The following DNAH14 variants were observed in gnomAD, a reference collection of about 807,000 sequenced individuals.
DNAH14 encodes dynein axonemal heavy chain 14, also known as axonemal beta dynein heavy chain 14.
DNAH14 carries 478 observed loss-of-function variants against 520.9 expected under a neutral mutation model. That is an observed-to-expected ratio of 0.92 (90% CI 0.85 to 0.99). The LOEUF (loss-of-function observed/expected upper bound fraction) is 0.99. Ranked by LOEUF, DNAH14 falls within the 50% of genes least tolerant of loss-of-function variation. The pLI, the probability that DNAH14 is intolerant of heterozygous loss-of-function variation, is 0.00. For missense variants in DNAH14, 4,831 were observed against 5,234.5 expected (o/e 0.92, Z 2.38); for synonymous variants, 1,581 against 1,757.2 (o/e 0.90, Z 2.51).
chr1:225,043,147 T>C, intron 13 of DNAH14, 33 bp downstream of exon 13: 1 of 1,521,878 alleles, frequency 6.6e-7, no homozygotes. Flanking sequence ...GAATGAGGGG[T>C]TGCCAGGTGT....
chr1:225,225,898 A>G (rs1052239603), intron 41 of DNAH14, among the ~76,000 whole-genome samples: 3 of 152,134 alleles, frequency 2.0e-5, no homozygotes, highest in Non-Finnish European at 2.9e-5. Flanking sequence ...AAATGTCCCT[A>G]CAGGACCCGC....
intron 71 of DNAH14, 83 bp downstream of exon 71, chr1:225,346,737 C>T: frequency 9.6e-7 from 1 of 1,045,846 alleles, no homozygotes; most frequent in South Asian, 1.9e-5. Context: ...AAGTCAATGC[C>T]TCTATAATTG....
Position 225,016,662 on chromosome 1 carries a change from A to G in DNAH14, c.1108-6953A>G, listed in dbSNP as rs549110851. On this transcript the variant is annotated intron_variant, in intron 10 of 85. Coordinates refer to ENST00000682510, the MANE Select transcript of DNAH14 (RefSeq NM_001367479.1). The stretch of plus-strand genomic sequence containing the variant: ...CTTGTTTTTCTCTTCTCTTTCTGCA[A>G]CAACCATAATCTGAATATTTGTCAC... Among the ~76,000 whole-genome samples the G allele has an allele frequency of 1.8e-4, 28 of 152,260 alleles. No individual in the cohort carries two copies. In the East Asian group the frequency reaches 4.0e-3, roughly 22 times the overall value.
At chr1:225,024,064 G>A in intron 11 of DNAH14, 199 bp downstream of exon 11, 2 of 1,195,812 alleles carry the variant, frequency 1.7e-6, no homozygotes, top group Non-Finnish European at 2.1e-6. Context: ...AGGATGCGCA[G>A]TAAAATTTGA....
chr1:224,968,972 A>G (rs922157797), intron 7 of DNAH14, 98 bp downstream of exon 7: 67 of 750,670 alleles, frequency 8.9e-5, no homozygotes, highest in Non-Finnish European at 1.3e-4. Context: ...TAATACCAGT[A>G]GAAAATAGTA....
At chr1:225,134,252 C>T (rs559139552) in intron 27 of DNAH14, among the ~76,000 whole-genome samples, 11 of 152,214 alleles carry the variant, frequency 7.2e-5, no homozygotes, top group South Asian at 2.1e-4. Context: ...GCTGGAACTT[C>T]GAATACTATG....
chr1:225,050,776 A>G (rs1005278895), intron 16 of DNAH14, among the ~76,000 whole-genome samples: 2 of 152,174 alleles, frequency 1.3e-5, no homozygotes, highest in Non-Finnish European at 2.9e-5. Context: ...GTCACATACT[A>G]TATACCAGTG....
chr1:225,071,458 T>C (rs1168039652), intron 17 of DNAH14, among the ~76,000 whole-genome samples: 1 of 152,200 alleles, frequency 6.6e-6, no homozygotes, highest in Non-Finnish European at 1.5e-5. Context: ...TGGCCAGATA[T>C]GAAATTCTGG....
At chr1:225,017,728 A>G (rs1390534710) in intron 10 of DNAH14, among the ~76,000 whole-genome samples, 2 of 152,230 alleles carry the variant, frequency 1.3e-5, no homozygotes, top group Non-Finnish European at 2.9e-5. Flanking sequence ...GGGCTTGCCC[A>G]TGAGTGATCA....
chr1:224,982,454 G>GCTC (rs1558591136), intron 8 of DNAH14, among the ~76,000 whole-genome samples: 1 of 152,192 alleles, frequency 6.6e-6, no homozygotes, highest in African/African-American at 2.4e-5. Flanking sequence ...AACAACTGAT[G>GCTC]CTCCGTGTGA....
At chr1:225,084,986 G>A (rs967602697) in intron 20 of DNAH14, among the ~76,000 whole-genome samples, 1 of 152,124 alleles carries the variant, frequency 6.6e-6, no homozygotes, top group South Asian at 2.1e-4. Context: ...GCCATAAGAA[G>A]TAACTGATCC....
At chr1:224,962,546 C>G (rs1035013474) in intron 4 of DNAH14, among the ~76,000 whole-genome samples, 1 of 152,106 alleles carries the variant, frequency 6.6e-6, no homozygotes. Context: ...GAAACGAATT[C>G]CACCTCAAAC....
intron 51 of DNAH14, 64 bp downstream of exon 51, chr1:225,272,137 C>G: frequency 7.1e-7 from 1 of 1,411,630 alleles, no homozygotes; most frequent in South Asian, 1.4e-5. Flanking sequence ...CTCATACTGT[C>G]AACATTAGAT....
chr1:225,269,612 A>T (rs751449570), intron 49 of DNAH14, among the ~76,000 whole-genome samples: 42 of 152,314 alleles, frequency 2.8e-4, no homozygotes, highest in Non-Finnish European at 4.1e-4. Flanking sequence ...GAATCTACAA[A>T]GAACTCAAAC....
intron 46 of DNAH14, among the ~76,000 whole-genome samples, chr1:225,263,119 A>T (rs144782670): frequency 2.0e-5 from 3 of 151,896 alleles, no homozygotes; most frequent in African/African-American, 7.2e-5. Flanking sequence ...ATTACATAAG[A>T]AGATGGAATT....
At chr1:225,277,376 A>G (rs1211126742) in intron 53 of DNAH14, 34 bp from the exon 54 acceptor site, 1 of 458,902 alleles carries the variant, frequency 2.2e-6, no homozygotes, top group Admixed American at 2.4e-5. Context: ...TTCTGTACCT[A>G]TAATCCATTT....
intron 62 of DNAH14, 21 bp from the exon 63 acceptor site, chr1:225,324,201 C>T (rs2094609156): frequency 6.4e-7 from 1 of 1,550,698 alleles, no homozygotes; most frequent in Non-Finnish European, 8.7e-7. Flanking sequence ...TCATGTAATA[C>T]ATTAACTGTG....
chr1:225,303,164 TAAA>T lies in DNAH14; in HGVS notation c.8643_8645del (p.Lys2881del). 1 of 1,481,976 alleles carries T rather than the reference TAAA, an allele frequency of 6.7e-7. No individual in the cohort carries two copies. Among genetic ancestry groups the T allele is most frequent in the Non-Finnish European group, 9.0e-7 (1 of 1,113,218 alleles). The allele number at this position is 1,481,976 out of a possible 1,614,324, so 91.8% of individuals were successfully genotyped here. ...TTTTCATTAATTTTCAGAGAATATA[TAAA>T]AATCTTCATATTTTTGTGATCATGA... On this transcript the variant is annotated inframe_deletion, in exon 57 of 86. Transcript: ENST00000682510.
chr1:225,267,126 A>G (rs1025725477), intron 49 of DNAH14, among the ~76,000 whole-genome samples: 2 of 152,098 alleles, frequency 1.3e-5, no homozygotes, highest in Non-Finnish European at 2.9e-5. Context: ...CAGTGAAAAT[A>G]TGGCCCACCA....
Sources: gnomAD v4.1 joint callset for allele counts (sites outside exome capture counted in the v4.1 genomes callset) on GRCh38, gnomAD v4.1.1 for gene constraint, MANE v1.5 for transcripts, NCBI Gene and HGNC (gene_info 2026-07-23, HGNC 2026-07-21) for gene names.